DEUP1: variants seen among roughly 807,000 people sequenced by gnomAD.
The protein encoded by DEUP1 is deuterosome assembly protein 1, also known as coiled-coil domain containing 67.
A neutral mutation model predicts 87.4 loss-of-function variants in DEUP1; 82 were observed. That is an observed-to-expected ratio of 0.94 (90% CI 0.78 to 1.13). The LOEUF (loss-of-function observed/expected upper bound fraction) is 1.13. Ranked by LOEUF, DEUP1 falls within the 50% of genes most tolerant of loss-of-function variation. The pLI is 0.00. For synonymous variants in DEUP1, 214 were observed against 222.7 expected, an observed-to-expected ratio of 0.96 and a Z score of 0.35; for missense variants, 663 against 681.5, an observed-to-expected ratio of 0.97 and a Z score of 0.30.
intron 10 of DEUP1, among the ~76,000 whole-genome samples, chr11:93,394,933 A>T (rs1359620709): frequency 1.3e-5 from 2 of 150,318 alleles, no homozygotes; most frequent in Non-Finnish European, 3.0e-5. Context: ...CCCACAGTAC[A>T]CTCTAATCAA....
intron 13 of DEUP1, among the ~76,000 whole-genome samples, chr11:93,417,544 T>A (rs1385966481): frequency 6.6e-6 from 1 of 152,208 alleles, no homozygotes; most frequent in African/African-American, 2.4e-5. Context: ...TACAAACAAA[T>A]GGAAGAACAT....
In DEUP1 at chr11:93,355,358, C is replaced by G. The variant is rs201641405; in HGVS notation, c.30-13C>G. ...CTACTTTAAAATGTATTTTACTTTC[C>G]TACAATTGCCAGAACTTCTCCTTGT... On this transcript the variant is annotated splice_polypyrimidine_tract_variant and intron_variant, in intron 2 of 13. Coordinates refer to ENST00000298050, the MANE Select transcript of DEUP1 (RefSeq NM_181645.4). 5.5e-5 allele frequency: 88 copies of G among 1,609,932 alleles called. No individual in the cohort carries two copies. The highest frequency in any genetic ancestry group is 7.0e-5 in the Non-Finnish European group (82 of 1,178,656).
chr11:93,400,413 T>TCCCTGTACCA (rs144712003), intron 11 of DEUP1, among the ~76,000 whole-genome samples: 38,196 of 151,818 alleles, frequency 0.25, 5,130 homozygotes, highest in South Asian at 0.37. Flanking sequence ...TATGGATTTC[T>TCCCTGTACCA]CCCTGTACCA....
intron 13 of DEUP1, among the ~76,000 whole-genome samples, chr11:93,427,012 G>GAAAAAAAAAAAAAAAAAAAAAAA (rs1215051153): frequency 2.5e-4 from 3 of 11,844 alleles, no homozygotes; most frequent in Non-Finnish European, 4.0e-4. Context: ...AAAAAAAAAA[G>GAAAAAAAAAAAAAAAAAAAAAAA]AAAAAAAAAA....
intron 6 of DEUP1, among the ~76,000 whole-genome samples, chr11:93,370,767 T>G (rs182641294): frequency 8.0e-4 from 122 of 152,308 alleles, no homozygotes; most frequent in Non-Finnish European, 1.2e-3. Context: ...CTTCTAGATT[T>G]TTTTTCTTGC....
chr11:93,340,075 G>C (rs1021033654), intron 2 of DEUP1, among the ~76,000 whole-genome samples: 34 of 152,170 alleles, frequency 2.2e-4, no homozygotes, highest in Admixed American at 2.2e-3. Flanking sequence ...ATGGCTCTGC[G>C]ATGGTATCAG....
At chr11:93,408,007 A>G (rs2134416251) in intron 11 of DEUP1, among the ~76,000 whole-genome samples, 1 of 152,232 alleles carries the variant, frequency 6.6e-6, no homozygotes, top group Admixed American at 6.5e-5. Context: ...ATGATGCAAT[A>G]CATACATCAT....
chr11:93,354,057 C>A (rs1944765664), intron 2 of DEUP1, among the ~76,000 whole-genome samples: 1 of 152,182 alleles, frequency 6.6e-6, no homozygotes, highest in South Asian at 2.1e-4. Context: ...ATTTTCTGAA[C>A]TTTTATGCTC....
rs76272858 is a variant in DEUP1 at position 93,341,819 on chromosome 11, G to A, written c.29+9531G>A. ...AATTTATTCACTCACAGTTCTAGAG[G>A]CCAGAAGCCCAAAATCAGTATCAAT... On this transcript the variant is annotated intron_variant, in intron 2 of 13. Coordinates refer to ENST00000298050, the MANE Select transcript of DEUP1 (RefSeq NM_181645.4). Among the ~76,000 whole-genome samples, 1,148 of 152,200 alleles carry A rather than the reference G, an allele frequency of 7.5e-3. 15 individuals carry two copies. Among genetic ancestry groups the A allele is most frequent in the African/African-American group, 0.027 (1,106 of 41,530 alleles).
chr11:93,348,706 CCT>C (rs1221836563), intron 2 of DEUP1, among the ~76,000 whole-genome samples: 1 of 152,150 alleles, frequency 6.6e-6, no homozygotes, highest in African/African-American at 2.4e-5. Context: ...TGTTTCTGCA[CCT>C]CTGTTTTCCC....
chr11:93,345,224 T>A (rs1279802061), intron 2 of DEUP1, among the ~76,000 whole-genome samples: 1 of 152,216 alleles, frequency 6.6e-6, no homozygotes, highest in African/African-American at 2.4e-5. Flanking sequence ...TTTCATGGTA[T>A]ATATGAACCA....
chr11:93,381,243 C>G (rs1364666987), intron 7 of DEUP1, among the ~76,000 whole-genome samples: 2 of 152,142 alleles, frequency 1.3e-5, no homozygotes, highest in Admixed American at 1.3e-4. Flanking sequence ...GGGCTTTAAA[C>G]ATGTTTTACA....
At chr11:93,352,996 A>T (rs1333418516) in intron 2 of DEUP1, among the ~76,000 whole-genome samples, 1 of 152,114 alleles carries the variant, frequency 6.6e-6, no homozygotes, top group Non-Finnish European at 1.5e-5. Context: ...ATGCCTTCCC[A>T]ACAGTCCCCC....
At chr11:93,356,144 TTGTGTC>T (rs1241757025) in intron 3 of DEUP1, among the ~76,000 whole-genome samples, 1 of 152,214 alleles carries the variant, frequency 6.6e-6, no homozygotes, top group African/African-American at 2.4e-5. Context: ...GATGTGGACT[TTGTGTC>T]TGTGAGTTTT....
chr11:93,387,055 T>C (rs906518523), intron 8 of DEUP1, among the ~76,000 whole-genome samples: 1 of 152,194 alleles, frequency 6.6e-6, no homozygotes, highest in African/African-American at 2.4e-5. Flanking sequence ...GTTCTGCCTG[T>C]TTACCATCCT....
chr11:93,429,671 A>G (rs1948042150), intron 13 of DEUP1, among the ~76,000 whole-genome samples: 1 of 152,170 alleles, frequency 6.6e-6, no homozygotes. Context: ...GCTCCATGAA[A>G]GCAGGGGGTG....
Position 93,389,077 on chromosome 11 carries a change from G to A in DEUP1, c.993G>A (p.Leu331=), listed in dbSNP as rs543842831. 1.2e-6 allele frequency: 2 copies of A among 1,604,000 alleles called. No homozygotes were observed. The highest frequency in any genetic ancestry group is 1.3e-5 in the African/African-American group (1 of 74,634). The change falls in exon 9 of 14, where the codon CTG becomes CTA. Residue 331 remains leucine, a synonymous_variant. Transcript: ENST00000298050. ...IKEPERKIKE[L]FSVMQDQPNH... ...AACCAGAAAGGAAAATAAAAGAGCT[G>A]TTTTCAGTGATGCAAGATCAACCAA...
intron 11 of DEUP1, among the ~76,000 whole-genome samples, chr11:93,404,343 TTTTTC>T (rs1207539832): frequency 2.2e-4 from 33 of 152,222 alleles, no homozygotes; most frequent in African/African-American, 7.7e-4. Flanking sequence ...GTATTATTAA[TTTTTC>T]TTTTATTTAA....
At chr11:93,361,600 A>G (rs1284592300) in intron 4 of DEUP1, among the ~76,000 whole-genome samples, 1 of 152,046 alleles carries the variant, frequency 6.6e-6, no homozygotes, top group Non-Finnish European at 1.5e-5. Context: ...AATATAGTGT[A>G]ATACCTACAG....
Sources: gnomAD v4.1 joint callset for allele counts (sites outside exome capture counted in the v4.1 genomes callset) on GRCh38, gnomAD v4.1.1 for gene constraint, MANE v1.5 for transcripts, NCBI Gene and HGNC (gene_info 2026-07-23, HGNC 2026-07-21) for gene names.